Variants in MAP2K7 observed in about 807,000 individuals in gnomAD.
MAP2K7 encodes the protein mitogen-activated protein kinase kinase 7, also known as dual specificity mitogen-activated protein kinase kinase 7.
Under a neutral mutation model 47.7 loss-of-function variants are expected in MAP2K7, and 12 were observed. The ratio of observed to expected loss-of-function variants is 0.25; its 90% CI spans 0.16 to 0.41. The LOEUF is 0.41. Among genes scored for constraint, MAP2K7 ranks in the 10% least tolerant of loss-of-function variants. MAP2K7 has a pLI of 1.00. For synonymous variants in MAP2K7, 299 were observed against 243.0 expected, an observed-to-expected ratio of 1.23 and a Z score of -2.14; for missense variants, 415 against 600.3, an observed-to-expected ratio of 0.69 and a Z score of 3.23.
At chr19:7,904,800 A>C (rs1982339771) in intron 1 of MAP2K7, among the ~76,000 whole-genome samples, 1 of 150,918 alleles carries the variant, frequency 6.6e-6, no homozygotes, top group Non-Finnish European at 1.5e-5. Context: ...ATGCACATCG[A>C]CCCCCAGCCA....
At chr19:7,904,344 T>G (rs938315787) in intron 1 of MAP2K7, 3 of 223,238 alleles carry the variant, frequency 1.3e-5, no homozygotes, top group Non-Finnish European at 2.8e-5. Flanking sequence ...GCCGTGATCC[T>G]CTGGGTCGGG....
rs1364982057 is a variant in MAP2K7, at chr19:7,911,232, C to G, written c.856-18C>G. On this transcript the variant is annotated intron_variant, in intron 7 of 10. Transcript: ENST00000397979. ...GGCCCCAGCCTTGGAGATACGTCTTCTCCTCCCCCCCCTGCAGCCCGAGCG... is the reference window on the plus strand; with the variant it reads ...GGCCCCAGCCTTGGAGATACGTCTTGTCCTCCCCCCCCTGCAGCCCGAGCG... The G allele has an allele frequency of 3.2e-5, 52 of 1,608,186 alleles. No homozygotes were observed. Among genetic ancestry groups the G allele is most frequent in the Non-Finnish European group, 4.1e-5 (48 of 1,176,724 alleles).
chr19:7,909,224 C>G (rs2145136987), intron 1 of MAP2K7, among the ~76,000 whole-genome samples: 1 of 152,338 alleles, frequency 6.6e-6, no homozygotes, highest in Non-Finnish European at 1.5e-5. Flanking sequence ...GAAGATAGGG[C>G]AAGGCAGCCT....
chr19:7,908,835 T>C (rs1352784126), intron 1 of MAP2K7, among the ~76,000 whole-genome samples: 4 of 152,068 alleles, frequency 2.6e-5, no homozygotes, highest in African/African-American at 9.7e-5. Flanking sequence ...CTCTGGCCTG[T>C]CTCTGCAGCG....
chr19:7,904,601 C>T (rs3810211), intron 1 of MAP2K7: 35,208 of 171,692 alleles, frequency 0.21, 3,916 homozygotes, highest in Non-Finnish European at 0.25. Flanking sequence ...GAGGATTCTC[C>T]CTCTCGCTCT....
At position 7,912,400 on chromosome 19, in the gene MAP2K7, T is replaced by G. The variant is rs1982944289; in HGVS notation, c.1229T>G (p.Leu410Arg). The G allele has an allele frequency of 1.2e-6, 2 of 1,612,690 alleles. No homozygotes were observed. Among genetic ancestry groups the G allele is most frequent in the Non-Finnish European group, 1.7e-6 (2 of 1,179,954 alleles). ...KTESPRTSGV[L>R]SQPHLPFFR The stretch of plus-strand genomic sequence containing the variant: ...GAGTCACCGCGGACTAGCGGCGTCC[T>G]GAGCCAGCCCCACCTGCCCTTCTTC... Residue 410 changes from leucine to arginine, a missense_variant, in exon 11 of 11, where the codon CTG (leucine) becomes CGG (arginine). Around this residue, in one of 3 missense-constraint regions of MAP2K7, gnomAD observed 94 missense variants for 105.2 expected, o/e 0.89. Transcript: ENST00000397979.
chr19:7,910,964 C>CT lies in MAP2K7; in HGVS notation c.676-15dup. On this transcript the variant is annotated splice_polypyrimidine_tract_variant and intron_variant, in intron 6 of 10. Coordinates refer to ENST00000397979, the MANE Select transcript of MAP2K7 (RefSeq NM_145185.4). ...TGTGCCCCCTGCCACATGCACCCCC[C>CT]TCTGCGTGCCTGCAGATTGTGAAGG... 6.2e-7 allele frequency: 1 copy of CT among 1,601,984 alleles called. No homozygotes were observed. The highest frequency in any genetic ancestry group is 1.7e-4 in the Middle Eastern group (1 of 6,028).
Position 7,911,167 on chromosome 19 carries a change from G to A in MAP2K7, c.855+8G>A, listed in dbSNP as rs1319720801. On this transcript the variant is annotated splice_region_variant and intron_variant, in intron 7 of 10. Transcript: ENST00000397979. ...TGTGCCGCCTACATGGCAGTGAGTG[G>A]GGGCCCCCCAGCGGGGGAGGGGGTG... 5.0e-6 allele frequency: 8 copies of A among 1,609,114 alleles called. No individual in the cohort carries two copies. The highest frequency in any genetic ancestry group is 3.3e-5 in the South Asian group (3 of 90,954).
rs948274560 is a variant in MAP2K7 at position 7,909,829 on chromosome 19, C to T, written c.199C>T (p.Pro67Ser). Residue 67 changes from proline (P) to serine (S), a missense_variant, in exon 2 of 11, where the codon CCC becomes TCC. This residue lies in a region of MAP2K7 where 115 missense variants were observed against 126.2 expected (regional missense o/e 0.91). Coordinates refer to ENST00000397979, the MANE Select transcript of MAP2K7 (RefSeq NM_145185.4). ...SSESSPQHPTPPARPRHMLGL... is the reference protein window; with the variant it reads ...SSESSPQHPTSPARPRHMLGL... Reference sequence around the variant, plus strand: ...AGAGAGCTCCCCGCAGCACCCCACGCCCCCCGCCCGGCCCCGCCACATGCT... The same window carrying T: ...AGAGAGCTCCCCGCAGCACCCCACGTCCCCCGCCCGGCCCCGCCACATGCT... The T allele has an allele frequency of 1.3e-6, 2 of 1,540,598 alleles. No homozygotes were observed. The highest frequency in any genetic ancestry group is 1.2e-5 in the South Asian group (1 of 83,526).
chr19:7,904,268 C>T (rs1160588327), intron 1 of MAP2K7, among the ~76,000 whole-genome samples, 200 bp downstream of exon 1: 3 of 152,138 alleles, frequency 2.0e-5, no homozygotes, highest in African/African-American at 4.8e-5. Context: ...GGGTTCGCAC[C>T]CTCAGGGCTT....
intron 1 of MAP2K7, chr19:7,904,366 C>G: frequency 4.1e-6 from 1 of 241,880 alleles, no homozygotes; most frequent in South Asian, 3.8e-5. Context: ...TTCCCCGACT[C>G]CACGCGACAG....
In MAP2K7 at chr19:7,914,214, C is replaced by T. The variant is rs1044096105; in HGVS notation, c.*1783C>T. ...GAGTGTGTGTCCGCCCACCCCCACCCCCTTCAGTGTTAAGTGGGGAGCCCT... is the reference window on the plus strand; with the variant it reads ...GAGTGTGTGTCCGCCCACCCCCACCTCCTTCAGTGTTAAGTGGGGAGCCCT... On this transcript the variant is annotated 3_prime_UTR_variant, in exon 11 of 11. Coordinates refer to ENST00000397979, the MANE Select transcript of MAP2K7 (RefSeq NM_145185.4). 4.6e-5 allele frequency: 7 copies of T among 152,400 alleles called. No homozygotes were observed. The highest frequency in any genetic ancestry group is 1.7e-4 in the African/African-American group (7 of 41,428). 9.4% of individuals were successfully genotyped at this position (152,400 alleles called of 1,614,324 possible).
chr19:7,912,135 T>G lies in MAP2K7; in HGVS notation c.1080-14T>G. 1 of 1,613,680 alleles carries G rather than the reference T, an allele frequency of 6.2e-7. No individual in the cohort carries two copies. Among genetic ancestry groups the G allele is most frequent in the Non-Finnish European group, 8.5e-7 (1 of 1,179,612 alleles). Reference sequence around the variant, plus strand: ...CCCTCGTTCTCACATCTGTCTTCCCTTCTCTTGCTCTAGCCTTACTAAAGA... The same window carrying G: ...CCCTCGTTCTCACATCTGTCTTCCCGTCTCTTGCTCTAGCCTTACTAAAGA... On this transcript the variant is annotated splice_polypyrimidine_tract_variant and intron_variant, in intron 9 of 10. Coordinates refer to ENST00000397979, the MANE Select transcript of MAP2K7 (RefSeq NM_145185.4).
intron 1 of MAP2K7, chr19:7,905,766 A>G (rs758829900): frequency 1.3e-6 from 2 of 1,497,914 alleles, no homozygotes; most frequent in South Asian, 1.1e-5. Context: ...TTCTGTTGTG[A>G]TTTATCGTGG....
chr19:7,912,579 A>ACC lies in MAP2K7; in HGVS notation c.*155_*156dup, dbSNP rs918753935. 2.6e-6 allele frequency: 2 copies of ACC among 755,880 alleles called. No individual in the cohort carries two copies. The highest frequency in any genetic ancestry group is 3.4e-5 in the African/African-American group (1 of 29,788). 46.8% of individuals were successfully genotyped at this position (755,880 alleles called of 1,614,324 possible). ...GACAGAGAGTGGGGGGTGCCCACCC[A>ACC]CCCCCCCCGCCCCGGGCCTACCAAG... On this transcript the variant is annotated 3_prime_UTR_variant, in exon 11 of 11. Transcript: ENST00000397979.
In MAP2K7 at chr19:7,909,781, G is replaced by A. The variant is rs1284071014; in HGVS notation, c.151G>A (p.Gly51Arg). The A allele has an allele frequency of 6.5e-7, 1 of 1,541,974 alleles. No homozygotes were observed. Among genetic ancestry groups the A allele is most frequent in the Non-Finnish European group, 8.7e-7 (1 of 1,145,940 alleles). Residue 51 changes from glycine to arginine, a missense_variant, in exon 2 of 11, where the codon GGG (glycine) becomes AGG (arginine). Around this residue, in one of 3 missense-constraint regions of MAP2K7, gnomAD observed 115 missense variants for 126.2 expected, o/e 0.91. Transcript: ENST00000397979. ...PTLQLPLAND[G>R]GSRSPSSESS... ...CCTGCAGCTCCCGCTGGCCAACGATGGGGGCAGCCGCTCGCCATCCTCAGA... is the reference window on the plus strand; with the variant it reads ...CCTGCAGCTCCCGCTGGCCAACGATAGGGGCAGCCGCTCGCCATCCTCAGA...
intron 1 of MAP2K7, chr19:7,906,259 C>CCCG (rs1568274784): frequency 1.4e-5 from 3 of 211,950 alleles, no homozygotes; most frequent in Non-Finnish European, 2.9e-5. Context: ...TAGCACCCCC[C>CCCG]GGGTTCCATA....
chr19:7,911,136 G>A lies in MAP2K7; in HGVS notation c.832G>A (p.Ala278Thr). The A allele has an allele frequency of 6.2e-7, 1 of 1,610,920 alleles. No homozygotes were observed. Among genetic ancestry groups the A allele is most frequent in the Non-Finnish European group, 8.5e-7 (1 of 1,178,968 alleles). ...LVDSKAKTRS[A>T]GCAAYMAPER... is the part of the protein sequence containing the mutation. ...GGACTCCAAAGCCAAGACGCGGAGC[G>A]CCGGCTGTGCCGCCTACATGGCAGT... is the stretch of plus-strand genomic sequence containing the variant. The change falls in exon 7 of 11, where the codon GCC becomes ACC. Residue 278 changes from alanine (A) to threonine (T), a missense_variant. Transcript: ENST00000397979.
At chr19:7,907,395 C>T (rs756867256) in intron 1 of MAP2K7, among the ~76,000 whole-genome samples, 7 of 152,170 alleles carry the variant, frequency 4.6e-5, no homozygotes, top group African/African-American at 9.7e-5. Flanking sequence ...GTGTGTTGTG[C>T]GTGCGTGCAC....
Sources: gnomAD v4.1 joint callset for allele counts (sites outside exome capture counted in the v4.1 genomes callset) on GRCh38, gnomAD v4.1.1 for gene constraint, gnomAD v4.1.1 regional missense constraint, MANE v1.5 for transcripts, NCBI Gene and HGNC (gene_info 2026-07-23, HGNC 2026-07-21) for gene names.